The following SNAI3 variants were observed in gnomAD, a reference collection of about 807,000 sequenced individuals.
SNAI3 encodes zinc finger protein SNAI3.
A neutral mutation model predicts 16.4 loss-of-function variants in SNAI3; 21 were observed. That is an observed-to-expected ratio of 1.28 (90% confidence interval 0.91 to 1.85). The LOEUF is 1.85. Among genes scored for constraint, SNAI3 ranks in the 40% most tolerant of loss-of-function variants. The pLI is 0.00. For missense variants in SNAI3, 457 were observed against 372.8 expected, an observed-to-expected ratio of 1.23 and a Z score of -1.86; for synonymous variants, 202 against 166.6, an observed-to-expected ratio of 1.21 and a Z score of -1.64.
In SNAI3 at chr16:88,681,295, C is replaced by T. The variant is rs777550261; in HGVS notation, c.496G>A (p.Gly166Arg). Reference sequence around the variant, plus strand: ...TGCAGCTGCCGGTGCCTGGCCAGCCCGGCCAGCGTGTGGTAGGGTTTGTGG... The same window carrying T: ...TGCAGCTGCCGGTGCCTGGCCAGCCTGGCCAGCGTGTGGTAGGGTTTGTGG... Reference protein sequence around the residue: ...HCHKPYHTLAGLARHRQLHCH... With the variant: ...HCHKPYHTLARLARHRQLHCH... Residue 166 changes from glycine to arginine, a missense_variant, in exon 2 of 3, where the codon GGG becomes AGG. Transcript: ENST00000332281. This position sits in a 1 kb window ranked among gnomAD's most constrained non-coding sequence, Gnocchi z 5.4. 13 of 1,613,156 alleles carry T rather than the reference C, an allele frequency of 8.1e-6. No individual in the cohort carries two copies. The highest frequency in any genetic ancestry group is 1.6e-4 in the Middle Eastern group (1 of 6,084).
chr16:88,678,507 A>T lies in SNAI3; in HGVS notation c.820T>A (p.Phe274Ile). The T allele has an allele frequency of 1.3e-6, 1 of 784,762 alleles. No homozygotes were observed. The highest frequency in any genetic ancestry group is 1.3e-5 in the South Asian group (1 of 74,704). The allele number at this position is 784,762 out of a possible 1,614,324, so 48.6% of individuals were successfully genotyped here. ...KYRCRRCTKT[F>I]SRMSLLARHE... The stretch of plus-strand genomic sequence containing the variant: ...CGCGCCAGGAGGGACATGCGGGAGA[A>T]GGTCTTGGTGCAGCGCCGGCACCGG... Residue 274 changes from phenylalanine to isoleucine, a missense_variant, in exon 3 of 3, where the codon TTC (phenylalanine) becomes ATC (isoleucine). Physicochemically the swap from Phe to Ile is conservative, Grantham distance 21. Coordinates refer to ENST00000332281, the MANE Select transcript of SNAI3 (RefSeq NM_178310.4).
chr16:88,681,720 G>C lies in SNAI3; in HGVS notation c.77-6C>G, dbSNP rs546314336. ...AGAGCAGGCACCATTGATTTCTAGA[G>C]GGGTGGAGGGGAGAGAATAGAAAGA... On this transcript the variant is annotated splice_region_variant and splice_polypyrimidine_tract_variant and intron_variant, in intron 1 of 2. Transcript: ENST00000332281. The surrounding 1 kb of genome is among the most constrained non-coding windows in gnomAD (Gnocchi z 5.4). 4 of 1,433,498 alleles carry C rather than the reference G, an allele frequency of 2.8e-6. No individual in the cohort carries two copies. In the African/African-American group the frequency reaches 5.7e-5, roughly 20 times the overall value. The allele number at this position is 1,433,498 out of a possible 1,614,324, so 88.8% of individuals were successfully genotyped here.
In SNAI3 at chr16:88,678,236, G is replaced by A. The variant is rs746394095; in HGVS notation, c.*212C>T. On this transcript the variant is annotated 3_prime_UTR_variant, in exon 3 of 3. Coordinates refer to ENST00000332281, the MANE Select transcript of SNAI3 (RefSeq NM_178310.4). The stretch of plus-strand genomic sequence containing the variant: ...CCCGGGAGAGGAGTCTCCTCTGAGT[G>A]GGCTCCGCGCGGTGGGATGCCTGGG... 2 of 535,090 alleles carry A rather than the reference G, an allele frequency of 3.7e-6. No individual in the cohort carries two copies. The highest frequency in any genetic ancestry group is 3.9e-5 in the African/African-American group (2 of 51,610). 33.1% of individuals were successfully genotyped at this position (535,090 alleles called of 1,614,324 possible).
intron 1 of SNAI3, chr16:88,685,443 T>C (rs1264930767): frequency 6.6e-6 from 1 of 152,254 alleles, no homozygotes; most frequent in Non-Finnish European, 1.5e-5. Flanking sequence ...GCGCCCTTCC[T>C]GCTCTCCCCC....
At chr16:88,679,489 C>T (rs1054662942) in intron 2 of SNAI3, among the ~76,000 whole-genome samples, 3 of 152,244 alleles carry the variant, frequency 2.0e-5, no homozygotes, top group Admixed American at 2.0e-4. Context: ...AGGCCGGGCG[C>T]AGTGGCTCAC....
rs1597391582 is a variant in SNAI3 at position 88,678,114 on chromosome 16, C to T, written c.*334G>A. The stretch of plus-strand genomic sequence containing the variant: ...CGGCGGCAGTGCCGGCCCATGCTGG[C>T]GGCCACCTCCCCGAGGCTCTGACTC... On this transcript the variant is annotated 3_prime_UTR_variant, in exon 3 of 3. Transcript: ENST00000332281. 2 of 262,372 alleles carry T rather than the reference C, an allele frequency of 7.6e-6. No individual in the cohort carries two copies. Among genetic ancestry groups the T allele is most frequent in the East Asian group, 1.6e-4 (2 of 12,510 alleles). 16.3% of individuals were successfully genotyped at this position (262,372 alleles called of 1,614,324 possible). A position where few individuals can be genotyped will look rare whatever the true frequency, so the allele number is the denominator to read the frequency against.
rs1398956624 is a variant in SNAI3, at chr16:88,681,519, C to G, written c.272G>C (p.Ser91Thr). 1 of 1,536,856 alleles carries G rather than the reference C, an allele frequency of 6.5e-7. No individual in the cohort carries two copies. Among genetic ancestry groups the G allele is most frequent in the Admixed American group, 1.9e-5 (1 of 51,676 alleles). Residue 91 changes from serine to threonine, a missense_variant, in exon 2 of 3, where the codon AGC becomes ACC. Ser to Thr is a moderately conservative substitution (Grantham distance 58, BLOSUM62 1). Coordinates refer to ENST00000332281, the MANE Select transcript of SNAI3 (RefSeq NM_178310.4). This position sits in a 1 kb window ranked among gnomAD's most constrained non-coding sequence, Gnocchi z 5.4. ...GASGLDALEV[S>T]EVDPRASRAA... ...CCGGCTGGCCCGAGGGTCGACCTCG[C>G]TGACTTCCAAGGCGTCCAGCCCAGA...
chr16:88,684,928 G>T (rs937324553), intron 1 of SNAI3, among the ~76,000 whole-genome samples: 1 of 152,206 alleles, frequency 6.6e-6, no homozygotes, highest in Non-Finnish European at 1.5e-5. Flanking sequence ...TTGGCAGAAA[G>T]TTGCCAGGGC....
chr16:88,678,632 G>T lies in SNAI3; in HGVS notation c.698-3C>A. 1 of 1,382,076 alleles carries T rather than the reference G, an allele frequency of 7.2e-7. No homozygotes were observed. Among genetic ancestry groups the T allele is most frequent in the Non-Finnish European group, 1.0e-6 (1 of 975,828 alleles). 85.6% of individuals were successfully genotyped at this position (1,382,076 alleles called of 1,614,324 possible). On this transcript the variant is annotated splice_polypyrimidine_tract_variant and splice_region_variant and intron_variant, in intron 2 of 2. Transcript: ENST00000332281. ...CGAGCAGGCATAGGGCTTCTCCCCTGTGGGAGGAAGGCGGCGGCCAGTGAC... is the reference window on the plus strand; with the variant it reads ...CGAGCAGGCATAGGGCTTCTCCCCTTTGGGAGGAAGGCGGCGGCCAGTGAC...
rs1009056821 is a variant in SNAI3, at chr16:88,678,622, C to T, written c.705G>A (p.Lys235=). Residue 235 remains lysine (K), a synonymous_variant, in exon 3 of 3, where the codon AAG becomes AAA. Coordinates refer to ENST00000332281, the MANE Select transcript of SNAI3 (RefSeq NM_178310.4). ...TGCTGCAGTGCGAGCAGGCATAGGG[C>T]TTCTCCCCTGTGGGAGGAAGGCGGC... ...QGHVRTHTGE[K]PYACSHCSRA... The T allele has an allele frequency of 2.6e-5, 34 of 1,297,534 alleles. No individual in the cohort carries two copies. Among genetic ancestry groups the T allele is most frequent in the Non-Finnish European group, 3.6e-5 (32 of 896,928 alleles). The allele number at this position is 1,297,534 out of a possible 1,614,324, so 80.4% of individuals were successfully genotyped here. A position where few individuals can be genotyped will look rare whatever the true frequency, so the allele number is the denominator to read the frequency against.
rs1193349176 is a variant in SNAI3 at position 88,678,224 on chromosome 16, T to C, written c.*224A>G. On this transcript the variant is annotated 3_prime_UTR_variant, in exon 3 of 3. Transcript: ENST00000332281. ...ATGAAAGCCTTCCCCGGGAGAGGAG[T>C]CTCCTCTGAGTGGGCTCCGCGCGGT... is the stretch of plus-strand genomic sequence containing the variant. 1.3e-5 allele frequency: 6 copies of C among 475,824 alleles called. No individual in the cohort carries two copies. The highest frequency in any genetic ancestry group is 1.1e-5 in the Non-Finnish European group (3 of 267,834). The allele number at this position is 475,824 out of a possible 1,614,324, so 29.5% of individuals were successfully genotyped here.
Position 88,681,073 on chromosome 16 carries a change from C to T in SNAI3, c.697+21G>A. 1 of 1,593,064 alleles carries T rather than the reference C, an allele frequency of 6.3e-7. No homozygotes were observed. The highest frequency in any genetic ancestry group is 1.1e-5 in the South Asian group (1 of 90,572). On this transcript the variant is annotated intron_variant, in intron 2 of 2. Coordinates refer to ENST00000332281, the MANE Select transcript of SNAI3 (RefSeq NM_178310.4). The surrounding 1 kb of genome is among the most constrained non-coding windows in gnomAD (Gnocchi z 5.4). Reference sequence around the variant, plus strand: ...CTTCCCCCAGCCCAGACCGTCCTTGCAGACCTTCACCCTGTCCTACCTGTG... The same window carrying T: ...CTTCCCCCAGCCCAGACCGTCCTTGTAGACCTTCACCCTGTCCTACCTGTG...
chr16:88,684,597 G>A lies in SNAI3; in HGVS notation c.76+1734C>T, dbSNP rs534509964. Among the ~76,000 whole-genome samples, 4 of 152,318 alleles carry A rather than the reference G, an allele frequency of 2.6e-5. No individual in the cohort carries two copies. The South Asian group carries it at 8.3e-4, about 32-fold the overall frequency. The stretch of plus-strand genomic sequence containing the variant: ...TGCAACCTCCATCTCCCGGGTTCAA[G>A]TGATTCTCCTACCTCAGCCTCCTGA... On this transcript the variant is annotated intron_variant, in intron 1 of 2. Transcript: ENST00000332281.
intron 1 of SNAI3, 44 bp downstream of exon 1, chr16:88,686,287 A>T: frequency 6.3e-7 from 1 of 1,599,932 alleles, no homozygotes; most frequent in Non-Finnish European, 8.5e-7. Flanking sequence ...CCCGCCCCTC[A>T]GGGTCGAGTC....
chr16:88,685,165 C>CAT (rs1337000877), intron 1 of SNAI3: 1 of 152,290 alleles, frequency 6.6e-6, no homozygotes, highest in Non-Finnish European at 1.5e-5. Flanking sequence ...TGCGCATCCA[C>CAT]ATACACATAA....
At position 88,678,390 on chromosome 16, in the gene SNAI3, G is replaced by A. The variant is rs1397759380; in HGVS notation, c.*58C>T. On this transcript the variant is annotated 3_prime_UTR_variant, in exon 3 of 3. Transcript: ENST00000332281. ...ACTCCTGGCTCCTCTGGGGGCAGGAGGGACGCCAGCTCTCCCGGTGAGGAC... is the reference window on the plus strand; with the variant it reads ...ACTCCTGGCTCCTCTGGGGGCAGGAAGGACGCCAGCTCTCCCGGTGAGGAC... 2 of 679,946 alleles carry A rather than the reference G, an allele frequency of 2.9e-6. No homozygotes were observed. The highest frequency in any genetic ancestry group is 1.6e-5 in the South Asian group (1 of 61,930). The allele number at this position is 679,946 out of a possible 1,614,324, so 42.1% of individuals were successfully genotyped here.
At chr16:88,679,128 C>T in intron 2 of SNAI3, 1 of 982,928 alleles carries the variant, frequency 1.0e-6, no homozygotes, top group African/African-American at 1.7e-5. Flanking sequence ...TCCTGTAGCC[C>T]CATAGAGTCC....
rs760781783 is a variant in SNAI3 at position 88,683,405 on chromosome 16, G to A, written c.77-1691C>T. Among the ~76,000 whole-genome samples, 9 of 150,768 alleles carry A rather than the reference G, an allele frequency of 6.0e-5. 1 individual carries two copies. In the South Asian group the frequency reaches 1.3e-3, roughly 21 times the overall value. On this transcript the variant is annotated intron_variant, in intron 1 of 2. Transcript: ENST00000332281. ...CAAGTAGCTGGGATTACAGGCATGC[G>A]CCACCACGCCTGGCTTATTTTTGTA...
intron 1 of SNAI3, among the ~76,000 whole-genome samples, chr16:88,683,786 G>A (rs778257451): frequency 1.3e-5 from 2 of 151,918 alleles, no homozygotes; most frequent in Non-Finnish European, 2.9e-5. Flanking sequence ...CAAACTCCTG[G>A]CCTCAAGGGA....
Sources: gnomAD v4.1 joint callset for allele counts (sites outside exome capture counted in the v4.1 genomes callset) on GRCh38, gnomAD v4.1.1 for gene constraint, Gnocchi (gnomAD v3.1) non-coding constraint, MANE v1.5 for transcripts, NCBI Gene and HGNC (gene_info 2026-07-23, HGNC 2026-07-21) for gene names.